Variants in RPL4 observed in about 807,000 individuals in gnomAD.
RPL4 encodes ribosomal protein L4, also known as large ribosomal subunit protein uL4.
In RPL4, 3 loss-of-function variants were observed where a neutral mutation model predicts 47.7. The observed-to-expected ratio is 0.06, with a 90% CI of 0.03 to 0.16. The LOEUF (loss-of-function observed/expected upper bound fraction) is 0.16. Ranked by LOEUF, RPL4 falls within the 10% of genes least tolerant of loss-of-function variation. The probability of loss-of-function intolerance (pLI) is 1.00; values close to 1 mark genes in which losing one functional copy is unlikely to be tolerated. For synonymous variants in RPL4, 208 were observed against 182.1 expected, an observed-to-expected ratio of 1.14 and a Z score of -1.15; for missense variants, 413 against 551.3, an observed-to-expected ratio of 0.75 and a Z score of 2.51.
At position 66,499,257 on chromosome 15, in the gene RPL4, T is replaced by A. The variant is rs906860829; in HGVS notation, c.*150A>T. On this transcript the variant is annotated 3_prime_UTR_variant, in exon 10 of 10. Transcript: ENST00000307961. ...ATATAAAATGTAACAGTCTAAATTATGGCCAACAAAATGTCACTTTAAAAA... is the reference window on the plus strand; with the variant it reads ...ATATAAAATGTAACAGTCTAAATTAAGGCCAACAAAATGTCACTTTAAAAA... 1.1e-5 allele frequency: 10 copies of A among 917,334 alleles called. No individual in the cohort carries two copies. Among genetic ancestry groups the A allele is most frequent in the Non-Finnish European group, 1.7e-5 (10 of 605,886 alleles). 56.8% of individuals were successfully genotyped at this position (917,334 alleles called of 1,614,324 possible).
At chr15:66,503,185 A>T (rs753072905) in intron 2 of RPL4, 21 bp from the exon 3 acceptor site, 1 of 1,610,426 alleles carries the variant, frequency 6.2e-7, no homozygotes, top group Non-Finnish European at 8.5e-7. Context: ...GAAGAGATAA[A>T]AGTTGTAGCT....
intron 2 of RPL4, 91 bp from the exon 3 acceptor site, chr15:66,503,255 T>C (rs775790507): frequency 1.5e-5 from 23 of 1,586,112 alleles, no homozygotes; most frequent in Non-Finnish European, 1.8e-5. Flanking sequence ...CATCAGAACA[T>C]CCGAGAAAAT....
Position 66,502,652 on chromosome 15 carries a change from G to A in RPL4, c.381C>T (p.Ala127=). The change falls in exon 4 of 10, where the codon GCC becomes GCT. Residue 127 remains alanine (A), a synonymous_variant. Coordinates refer to ENST00000307961, the MANE Select transcript of RPL4 (RefSeq NM_000968.4). ...TTQKRYAICS[A]LAASALPALV... The stretch of plus-strand genomic sequence containing the variant: ...GTGCTGGTAGGGCTGAGGCAGCCAG[G>A]GCAGAACAGATGGCGTATCGTTTTT... The A allele has an allele frequency of 6.2e-7, 1 of 1,613,132 alleles. No homozygotes were observed. Among genetic ancestry groups the A allele is most frequent in the African/African-American group, 1.3e-5 (1 of 74,996 alleles).
rs1467967662 is a variant in RPL4 at position 66,499,647 on chromosome 15, C to T, written c.1044G>A (p.Lys348=). The T allele has an allele frequency of 6.2e-7, 1 of 1,613,796 alleles. No homozygotes were observed. Among genetic ancestry groups the T allele is most frequent in the Non-Finnish European group, 8.5e-7 (1 of 1,179,818 alleles). Residue 348 remains lysine, a synonymous_variant, in exon 10 of 10, where the codon AAG becomes AAA. Coordinates refer to ENST00000307961, the MANE Select transcript of RPL4 (RefSeq NM_000968.4). ...CAGCAGCTGCCTTATCCACCCGGAG[C>T]TTGTGCTGCAACAAATTAGGCAGAA... The part of the protein sequence containing the change: ...NTILRQARNH[K]LRVDKAAAAA...
intron 1 of RPL4, among the ~76,000 whole-genome samples, chr15:66,503,850 G>A (rs533049281): frequency 1.3e-5 from 2 of 152,080 alleles, no homozygotes; most frequent in Non-Finnish European, 2.9e-5. Flanking sequence ...CTGTCTACCC[G>A]GGCTCTACTC....
At position 66,503,528 on chromosome 15, in the gene RPL4, G is replaced by A. The variant is rs146777407; in HGVS notation, c.5C>T (p.Ala2Val). Residue 2 changes from alanine to valine, a missense_variant and splice_region_variant, in exon 2 of 10, where the codon GCG (alanine) becomes GTG (valine). Physicochemically the swap from Ala to Val is moderately conservative, Grantham distance 64. This residue lies in a region of RPL4 where 56 missense variants were observed against 70.6 expected (regional missense o/e 0.79). Coordinates refer to ENST00000307961, the MANE Select transcript of RPL4 (RefSeq NM_000968.4). ...CACCGATATCAGTGGGCGAGCACAC[G>A]CCTAAAGAAAAAGACAAGGATTATT... M[A>V]CARPLISVYS... is the part of the protein sequence containing the mutation. 5.1e-6 allele frequency: 8 copies of A among 1,581,118 alleles called. No individual in the cohort carries two copies. The highest frequency in any genetic ancestry group is 3.6e-5 in the Admixed American group (2 of 54,954).
In RPL4 at chr15:66,499,152, C is replaced by T. The variant is rs923932803; in HGVS notation, c.*255G>A. ...TTTCAAGCCACATTATTTAGAAAAC[C>T]ACAACTTTTTTTAAATCATTCCCCT... On this transcript the variant is annotated 3_prime_UTR_variant, in exon 10 of 10. Transcript: ENST00000307961. 2.6e-6 allele frequency: 1 copy of T among 388,858 alleles called. No homozygotes were observed. The highest frequency in any genetic ancestry group is 4.8e-5 in the East Asian group (1 of 20,698). The allele number at this position is 388,858 out of a possible 1,614,324, so 24.1% of individuals were successfully genotyped here.
chr15:66,499,241 G>T lies in RPL4; in HGVS notation c.*166C>A, dbSNP rs376751391. The T allele has an allele frequency of 1.7e-5, 13 of 769,108 alleles. No homozygotes were observed. Among genetic ancestry groups the T allele is most frequent in the South Asian group, 5.3e-5 (3 of 56,256 alleles). The allele number at this position is 769,108 out of a possible 1,614,324, so 47.6% of individuals were successfully genotyped here. A position where few individuals can be genotyped will look rare whatever the true frequency, so the allele number is the denominator to read the frequency against. Reference sequence around the variant, plus strand: ...CATTTTATACCACACTATATAAAATGTAACAGTCTAAATTATGGCCAACAA... The same window carrying T: ...CATTTTATACCACACTATATAAAATTTAACAGTCTAAATTATGGCCAACAA... On this transcript the variant is annotated 3_prime_UTR_variant, in exon 10 of 10. Transcript: ENST00000307961.
Position 66,504,770 on chromosome 15 carries a change from A to G in RPL4, c.3+18T>C, listed in dbSNP as rs757947957. The G allele has an allele frequency of 6.2e-7, 1 of 1,611,826 alleles. No homozygotes were observed. Among genetic ancestry groups the G allele is most frequent in the African/African-American group, 1.3e-5 (1 of 74,830 alleles). On this transcript the variant is annotated intron_variant, in intron 1 of 9. Coordinates refer to ENST00000307961, the MANE Select transcript of RPL4 (RefSeq NM_000968.4). ...CCCGAGATACGGGGTAAGGCCAGCC[A>G]AGAGAACTTCCACTCACCATGGCGG...
chr15:66,501,943 A>G (rs1893624863), intron 4 of RPL4, 31 bp from the exon 5 acceptor site: 1 of 1,591,062 alleles, frequency 6.3e-7, no homozygotes, highest in South Asian at 1.2e-5. Context: ...TTACTTGGTT[A>G]TCCTGAAACT....
chr15:66,502,095 TTAAA>T (rs1893630354), intron 4 of RPL4, 183 bp from the exon 5 acceptor site: 1 of 878,604 alleles, frequency 1.1e-6, no homozygotes, highest in East Asian at 2.5e-5. Context: ...ATTTTGACAG[TTAAA>T]TAAAAATGCG....
chr15:66,502,139 G>T (rs1028802815), intron 4 of RPL4: 13 of 678,400 alleles, frequency 1.9e-5, no homozygotes, highest in African/African-American at 5.3e-5. Context: ...GTTTAAGTTG[G>T]AAGTTTTCTA....
Position 66,500,385 on chromosome 15 carries a change from G to C in RPL4, c.834-9C>G. Reference sequence around the variant, plus strand: ...TCTTGTGCATGGGAAGACTGAAAGGGAAAAGATTGACATGTACATGTAAAA... The same window carrying C: ...TCTTGTGCATGGGAAGACTGAAAGGCAAAAGATTGACATGTACATGTAAAA... On this transcript the variant is annotated splice_polypyrimidine_tract_variant and intron_variant, in intron 7 of 9. Coordinates refer to ENST00000307961, the MANE Select transcript of RPL4 (RefSeq NM_000968.4). 1 of 1,611,144 alleles carries C rather than the reference G, an allele frequency of 6.2e-7. No individual in the cohort carries two copies.
Position 66,503,369 on chromosome 15 carries a change from C to G in RPL4, c.164G>C (p.Ser55Thr). Reference protein sequence around the residue: ...RKNNRQPYAVSELAGHQTSAE... With the variant: ...RKNNRQPYAVTELAGHQTSAE... ...ATATAAATCCATACCTGCTAATTCA[C>G]TGACAGCATAGGGCTGTCTGTTGTT... The change falls in exon 2 of 10, where the codon AGT becomes ACT. Residue 55 changes from serine to threonine, a missense_variant. Ser to Thr is a moderately conservative substitution (Grantham distance 58, BLOSUM62 1). Coordinates refer to ENST00000307961, the MANE Select transcript of RPL4 (RefSeq NM_000968.4). 2 of 1,610,150 alleles carry G rather than the reference C, an allele frequency of 1.2e-6. No homozygotes were observed. The highest frequency in any genetic ancestry group is 1.7e-6 in the Non-Finnish European group (2 of 1,176,660).
Position 66,498,754 on chromosome 15 carries a change from G to A in RPL4, c.*653C>T, listed in dbSNP as rs1360199654. The A allele has an allele frequency of 6.6e-6, 1 of 152,326 alleles. No individual in the cohort carries two copies. Among genetic ancestry groups the A allele is most frequent in the African/African-American group, 2.4e-5 (1 of 41,420 alleles). The allele number at this position is 152,326 out of a possible 1,614,324, so 9.4% of individuals were successfully genotyped here. The stretch of plus-strand genomic sequence containing the variant: ...GGGGTTACAGGCATGCACCATGACT[G>A]GCTATTTTTTATATTTTCAGTAGAG... On this transcript the variant is annotated 3_prime_UTR_variant, in exon 10 of 10. Coordinates refer to ENST00000307961, the MANE Select transcript of RPL4 (RefSeq NM_000968.4).
intron 7 of RPL4, 69 bp from the exon 8 acceptor site, chr15:66,500,445 C>T: frequency 1.5e-6 from 2 of 1,373,354 alleles, no homozygotes. Context: ...TCAACTGAAG[C>T]TTTATTTTTA....
chr15:66,502,842 T>A, intron 3 of RPL4, 92 bp from the exon 4 acceptor site: 3 of 1,580,114 alleles, frequency 1.9e-6, no homozygotes, highest in Non-Finnish European at 2.6e-6. Flanking sequence ...CAACCTTCTG[T>A]ACCAGCTTAC....
Position 66,503,350 on chromosome 15 carries a change from A to G in RPL4, c.175+8T>C. ...CCTAAAATATCTGCAGAAGATATAA[A>G]TCCATACCTGCTAATTCACTGACAG... On this transcript the variant is annotated splice_region_variant and intron_variant, in intron 2 of 9. Transcript: ENST00000307961. 1 of 1,610,508 alleles carries G rather than the reference A, an allele frequency of 6.2e-7. No individual in the cohort carries two copies. Among genetic ancestry groups the G allele is most frequent in the Non-Finnish European group, 8.5e-7 (1 of 1,176,900 alleles).
chr15:66,501,541 A>G, intron 5 of RPL4, 37 bp from the exon 6 acceptor site: 1 of 1,611,052 alleles, frequency 6.2e-7, no homozygotes, highest in African/African-American at 1.3e-5. Context: ...TGATTAAGAT[A>G]GAATCTCTGC....
Sources: gnomAD v4.1 joint callset for allele counts (sites outside exome capture counted in the v4.1 genomes callset) on GRCh38, gnomAD v4.1.1 for gene constraint, gnomAD v4.1.1 regional missense constraint, MANE v1.5 for transcripts, NCBI Gene and HGNC (gene_info 2026-07-23, HGNC 2026-07-21) for gene names.